The following AGBL3 variants were observed in gnomAD, a reference collection of about 807,000 sequenced individuals.
AGBL3 encodes AGBL carboxypeptidase 3.
Under a neutral mutation model 94.5 loss-of-function variants are expected in AGBL3, and 68 were observed. That is an observed-to-expected ratio of 0.72 (90% CI 0.59 to 0.88). The LOEUF (loss-of-function observed/expected upper bound fraction) is 0.88. Ranked by LOEUF, AGBL3 falls within the 40% of genes least tolerant of loss-of-function variation. The pLI, the probability that AGBL3 is intolerant of heterozygous loss-of-function variation, is 0.00. For missense variants in AGBL3, 934 were observed against 1,103.8 expected, an observed-to-expected ratio of 0.85 and a Z score of 2.18; for synonymous variants, 354 against 370.7, an observed-to-expected ratio of 0.95 and a Z score of 0.52.
intron 16 of AGBL3, among the ~76,000 whole-genome samples, chr7:135,133,954 A>G (rs76914853): frequency 0.051 from 7,725 of 150,074 alleles, 259 homozygotes; most frequent in Non-Finnish European, 0.081. Context: ...TTACTCTGAG[A>G]AAAAAAAAAG....
intron 7 of AGBL3, among the ~76,000 whole-genome samples, chr7:135,035,963 A>T (rs1816264982): frequency 6.6e-6 from 1 of 152,122 alleles, no homozygotes; most frequent in East Asian, 1.9e-4. Context: ...TTAGGCAGCA[A>T]ATGAGAAAAG....
At chr7:135,094,535 G>C (rs558295903) in intron 15 of AGBL3, 2 of 456,650 alleles carry the variant, frequency 4.4e-6, no homozygotes, top group Admixed American at 4.7e-5. Context: ...TTTATCTTCA[G>C]GAATCCCACC....
intron 12 of AGBL3, among the ~76,000 whole-genome samples, chr7:135,063,090 AGGT>A (rs1160625867): frequency 6.6e-6 from 1 of 152,146 alleles, no homozygotes; most frequent in African/African-American, 2.4e-5. Flanking sequence ...CAGTCTTGGT[AGGT>A]TATATGTAGC....
At chr7:135,080,801 G>C (rs1820856475) in intron 14 of AGBL3, among the ~76,000 whole-genome samples, 1 of 148,466 alleles carries the variant, frequency 6.7e-6, no homozygotes, top group South Asian at 2.1e-4. Flanking sequence ...TCCTTTGGCA[G>C]GGGGAATCAT....
chr7:135,135,071 A>G lies in AGBL3; in HGVS notation c.2573A>G (p.Lys858Arg), dbSNP rs982921554. The G allele has an allele frequency of 2.7e-5, 42 of 1,551,112 alleles. No homozygotes were observed. Among genetic ancestry groups the G allele is most frequent in the Non-Finnish European group, 3.6e-5 (41 of 1,146,662 alleles). ...GAAGACATAAAACCTCTCAGCAGCA[A>G]GTGGGAGACTGCTTCTTCAAGCTTT... ...KNEDIKPLSSKWETASSSFGM... is the reference protein window; with the variant it reads ...KNEDIKPLSSRWETASSSFGM... Residue 858 changes from lysine to arginine, a missense_variant, in exon 17 of 17, where the codon AAG (lysine) becomes AGG (arginine). By Grantham distance (26) the Lys-to-Arg change is conservative. Around this residue, in one of 3 missense-constraint regions of AGBL3, gnomAD observed 441 missense variants for 518.2 expected, o/e 0.85. Coordinates refer to ENST00000436302, the MANE Select transcript of AGBL3 (RefSeq NM_178563.4).
chr7:135,054,924 C>G (rs1037745266), intron 11 of AGBL3, among the ~76,000 whole-genome samples: 1 of 152,152 alleles, frequency 6.6e-6, no homozygotes, highest in Non-Finnish European at 1.5e-5. Context: ...CATAGTTTTG[C>G]AGGTGAGGAA....
At chr7:135,000,113 T>C (rs4367463) in intron 4 of AGBL3, among the ~76,000 whole-genome samples, 2,889 of 152,308 alleles carry the variant, frequency 0.019, 103 homozygotes, top group African/African-American at 0.065. Flanking sequence ...TTTCCATTTA[T>C]TATGGAGCCC....
rs142432293 is a variant in AGBL3, at chr7:135,123,143, C to T, written c.2342+7532C>T. ...TAACCTAATGCAAAGAAGCTAAGAA[C>T]GTTGATAAAAGGTTAGAGTAGCTGC... On this transcript the variant is annotated intron_variant, in intron 16 of 16. Transcript: ENST00000436302. Among the ~76,000 whole-genome samples the T allele has an allele frequency of 1.2e-3, 183 of 152,158 alleles. 1 individual carries two copies. The highest frequency in any genetic ancestry group is 1.4e-3 in the Non-Finnish European group (92 of 67,998).
intron 15 of AGBL3, among the ~76,000 whole-genome samples, chr7:135,092,016 T>C (rs1821924982): frequency 6.6e-6 from 1 of 152,200 alleles, no homozygotes; most frequent in Admixed American, 6.5e-5. Context: ...AACTGAGAAG[T>C]TAGGCATTTA....
chr7:135,120,331 G>C (rs1170767948), intron 16 of AGBL3, among the ~76,000 whole-genome samples: 1 of 152,022 alleles, frequency 6.6e-6, no homozygotes, highest in Non-Finnish European at 1.5e-5. Flanking sequence ...AATGTGAGAA[G>C]GTAAAAGGAC....
At chr7:135,089,691 G>A (rs916270334) in intron 15 of AGBL3, among the ~76,000 whole-genome samples, 2 of 152,216 alleles carry the variant, frequency 1.3e-5, no homozygotes, top group East Asian at 3.8e-4. Flanking sequence ...AGCAAAGGTT[G>A]TTCATCTCTT....
chr7:135,085,528 G>A (rs927052013), intron 15 of AGBL3, among the ~76,000 whole-genome samples: 4 of 151,898 alleles, frequency 2.6e-5, no homozygotes, highest in Admixed American at 6.6e-5. Flanking sequence ...CCTTTTTTAT[G>A]GTGAGAGATA....
Position 135,112,768 on chromosome 7 carries a change from C to G in AGBL3, c.2111-2612C>G, listed in dbSNP as rs73153775. On this transcript the variant is annotated intron_variant, in intron 15 of 16. Transcript: ENST00000436302. ...GTGCCAGATACATAATAAGCATTCA[C>G]TGAATGTTTATTTTTATTTTTTTGA... Among the ~76,000 whole-genome samples, 617 of 152,200 alleles carry G rather than the reference C, an allele frequency of 4.1e-3. 2 individuals are homozygous for G. The highest frequency in any genetic ancestry group is 7.5e-3 in the Non-Finnish European group (511 of 68,002).
At chr7:135,099,465 T>C (rs1306420167) in intron 15 of AGBL3, among the ~76,000 whole-genome samples, 1 of 152,168 alleles carries the variant, frequency 6.6e-6, no homozygotes, top group Non-Finnish European at 1.5e-5. Flanking sequence ...AGTTAAAAAT[T>C]AAGTTTTATT....
At chr7:135,111,518 A>G (rs1001220692) in intron 15 of AGBL3, among the ~76,000 whole-genome samples, 1 of 152,166 alleles carries the variant, frequency 6.6e-6, no homozygotes, top group Non-Finnish European at 1.5e-5. Flanking sequence ...GTGTACTGCC[A>G]TCATCCAGTT....
chr7:135,118,474 C>G (rs1826637335), intron 16 of AGBL3, among the ~76,000 whole-genome samples: 1 of 152,126 alleles, frequency 6.6e-6, no homozygotes, highest in Non-Finnish European at 1.5e-5. Flanking sequence ...GATGGGGAAC[C>G]TGGACTTCCA....
chr7:135,040,302 G>A (rs141819136), intron 8 of AGBL3, among the ~76,000 whole-genome samples: 1 of 152,192 alleles, frequency 6.6e-6, no homozygotes, highest in South Asian at 2.1e-4. Context: ...ACCAACACAA[G>A]ACAAACATAG....
intron 8 of AGBL3, among the ~76,000 whole-genome samples, chr7:135,039,119 T>C (rs1816593577): frequency 6.6e-6 from 1 of 152,210 alleles, no homozygotes; most frequent in Non-Finnish European, 1.5e-5. Context: ...ATACACATTA[T>C]ATTCAAATGC....
intron 4 of AGBL3, among the ~76,000 whole-genome samples, chr7:135,016,056 GA>G (rs5887721): frequency 0.93 from 138,483 of 148,270 alleles, 65,350 homozygotes; most frequent in Non-Finnish European, 1. Context: ...AAAAAGAAAA[GA>G]AAAAAAAAAT....
Sources: gnomAD v4.1 joint callset for allele counts (sites outside exome capture counted in the v4.1 genomes callset) on GRCh38, gnomAD v4.1.1 for gene constraint, gnomAD v4.1.1 regional missense constraint, MANE v1.5 for transcripts, NCBI Gene and HGNC (gene_info 2026-07-23, HGNC 2026-07-21) for gene names.